The following DPP3 variants were observed in gnomAD, a reference collection of about 807,000 sequenced individuals.
The protein encoded by DPP3 is dipeptidyl peptidase 3.
Under a neutral mutation model 89.8 loss-of-function variants are expected in DPP3, and 64 were observed. The observed-to-expected ratio is 0.71, with a 90% CI of 0.58 to 0.88. DPP3 has a LOEUF of 0.88. Ranked by LOEUF, DPP3 falls within the 40% of genes least tolerant of loss-of-function variation. DPP3 has a pLI of 0.00. For synonymous variants in DPP3, 377 were observed against 404.3 expected (o/e 0.93, Z 0.81); for missense variants, 835 against 972.5 (o/e 0.86, Z 1.88).
At chr11:66,493,690 C>T in intron 12 of DPP3, 57 bp downstream of exon 12, 5 of 1,527,172 alleles carry the variant, frequency 3.3e-6, no homozygotes, top group Non-Finnish European at 4.4e-6. Context: ...TCCCCACAAC[C>T]TGCCCTACCC....
intron 17 of DPP3, 77 bp from the exon 18 acceptor site, chr11:66,509,002 A>T: frequency 6.5e-7 from 1 of 1,543,702 alleles, no homozygotes; most frequent in Admixed American, 1.8e-5. Flanking sequence ...TGTAATTGTG[A>T]TTATTAAGAT....
chr11:66,498,696 A>G (rs1027407364), intron 16 of DPP3, among the ~76,000 whole-genome samples: 1 of 152,250 alleles, frequency 6.6e-6, no homozygotes, highest in African/African-American at 2.4e-5. Flanking sequence ...TGCTGAGAGT[A>G]AATATACAAT....
At position 66,495,628 on chromosome 11, in the gene DPP3, AG is replaced by A. The variant is rs1565272436; in HGVS notation, c.1578del. 6.2e-7 allele frequency: 1 copy of A among 1,614,138 alleles called. No individual in the cohort carries two copies. The highest frequency in any genetic ancestry group is 1.3e-5 in the African/African-American group (1 of 75,070). ...CCTGCCACCTGCCTGCCCCTCTCAC[AG>A]GATCTTTGGCTTTGAGGGGGCTGAT... On this transcript the variant is annotated splice_acceptor_variant, in intron 14 of 17. Transcript: ENST00000531863. LOFTEE classifies it high-confidence loss of function.
chr11:66,495,144 T>TG (rs1855496551), intron 12 of DPP3, 62 bp from the exon 13 acceptor site: 13 of 1,611,162 alleles, frequency 8.1e-6, no homozygotes, highest in Non-Finnish European at 1.1e-5. Flanking sequence ...CTGTGGATTC[T>TG]GGGGCTGGAG....
At position 66,507,673 on chromosome 11, in the gene DPP3, G is replaced by C. The variant is rs116730668; in HGVS notation, c.2042-1406G>C. On this transcript the variant is annotated intron_variant, in intron 17 of 17. Coordinates refer to ENST00000531863, the MANE Select transcript of DPP3 (RefSeq NM_130443.4). ...TGGATTTTCAAAGGTTGTGATGGTG[G>C]TGCACTGTAAAAAGTTTTTTTTTTT... Among the ~76,000 whole-genome samples the C allele has an allele frequency of 6.8e-3, 1,001 of 147,266 alleles. 16 individuals are homozygous for C. The highest frequency in any genetic ancestry group is 0.022 in the African/African-American group (900 of 40,598).
chr11:66,509,078 G>A lies in DPP3; in HGVS notation c.2042-1G>A, dbSNP rs750255598. ...CTGTTTTCTCTCCATCTCCTCCCCAGGCTCAGACGTGCAGCTTCTGGAATA... is the reference window on the plus strand; with the variant it reads ...CTGTTTTCTCTCCATCTCCTCCCCAAGCTCAGACGTGCAGCTTCTGGAATA... On this transcript the variant is annotated splice_acceptor_variant, in intron 17 of 17. Coordinates refer to ENST00000531863, the MANE Select transcript of DPP3 (RefSeq NM_130443.4). LOFTEE classifies it high-confidence loss of function. 1 of 1,613,776 alleles carries A rather than the reference G, an allele frequency of 6.2e-7. No homozygotes were observed. The highest frequency in any genetic ancestry group is 8.5e-7 in the Non-Finnish European group (1 of 1,179,874).
intron 2 of DPP3, among the ~76,000 whole-genome samples, chr11:66,484,862 G>A (rs1298187784): frequency 6.6e-6 from 1 of 152,176 alleles, no homozygotes; most frequent in Non-Finnish European, 1.5e-5. Flanking sequence ...GCTGGAACTG[G>A]GCCTTAAAGG....
Position 66,492,903 on chromosome 11 carries a change from C to T in DPP3, c.1176C>T (p.Ile392=). 5 of 1,610,106 alleles carry T rather than the reference C, an allele frequency of 3.1e-6. No individual in the cohort carries two copies. The highest frequency in any genetic ancestry group is 4.2e-6 in the Non-Finnish European group (5 of 1,177,912). ...CCGGCATCCCTGCCGGCATCAACAT[C>T]CCCAACTGTGAGTGTCTCAGGCCCA... ...AGSGIPAGIN[I]PNYDDLRQTE... is the part of the protein sequence containing the mutation. The change falls in exon 10 of 18, where the codon ATC becomes ATT. Residue 392 remains isoleucine (I), a synonymous_variant. Coordinates refer to ENST00000531863, the MANE Select transcript of DPP3 (RefSeq NM_130443.4).
chr11:66,502,098 CA>C (rs1468276143), intron 16 of DPP3, among the ~76,000 whole-genome samples: 1 of 151,914 alleles, frequency 6.6e-6, no homozygotes, highest in African/African-American at 2.4e-5. Flanking sequence ...GAGGCTGAGG[CA>C]GAAGAATTGC....
intron 16 of DPP3, among the ~76,000 whole-genome samples, chr11:66,504,306 C>T (rs1027284795): frequency 2.0e-5 from 3 of 151,918 alleles, no homozygotes; most frequent in Non-Finnish European, 4.4e-5. Flanking sequence ...CCAGGCTGGT[C>T]TCAAACTCCT....
chr11:66,484,204 C>G (rs1855162444), intron 2 of DPP3, among the ~76,000 whole-genome samples: 1 of 152,186 alleles, frequency 6.6e-6, no homozygotes, highest in Admixed American at 6.5e-5. Flanking sequence ...TCTCAATCTC[C>G]TGACCTCGTG....
chr11:66,491,723 C>T lies in DPP3; in HGVS notation c.955C>T (p.Arg319Cys), dbSNP rs1279884425. ...TTACATCGGGTTCATCGAGAGCTAC[C>T]GCGACCCCTTTGGTTCCCGAGGAGA... ...ESYIGFIESY[R>C]DPFGSRGEFE... is the part of the protein sequence containing the mutation. Residue 319 changes from arginine to cysteine, a missense_variant, in exon 9 of 18, where the codon CGC becomes TGC. Coordinates refer to ENST00000531863, the MANE Select transcript of DPP3 (RefSeq NM_130443.4). 16 of 1,613,620 alleles carry T rather than the reference C, an allele frequency of 9.9e-6. No individual in the cohort carries two copies. The highest frequency in any genetic ancestry group is 1.4e-5 in the Non-Finnish European group (16 of 1,179,868).
In DPP3 at chr11:66,485,623, T is replaced by C. The variant is rs534792897; in HGVS notation, c.360+361T>C. Among the ~76,000 whole-genome samples the C allele has an allele frequency of 1.6e-4, 25 of 152,332 alleles. No individual in the cohort carries two copies. In the East Asian group the frequency reaches 4.0e-3, roughly 25 times the overall value. On this transcript the variant is annotated intron_variant, in intron 3 of 17. Coordinates refer to ENST00000531863, the MANE Select transcript of DPP3 (RefSeq NM_130443.4). ...CTCCCAGGGTTATGAGACTTGAGCC[T>C]ATCTCGGGCAGAGGTGGTTCTTATA... is the stretch of plus-strand genomic sequence containing the variant.
rs200184667 is a variant in DPP3, at chr11:66,485,208, C to T, written c.306C>T (p.Asn102=). The part of the protein sequence containing the change: ...FLVYAAGVYS[N]MGNYKSFGDT... ...TCTATGCCGCGGGTGTTTACTCCAACATGGGCAACTACAAGTCCTTTGGTG... is the reference window on the plus strand; with the variant it reads ...TCTATGCCGCGGGTGTTTACTCCAATATGGGCAACTACAAGTCCTTTGGTG... The change falls in exon 3 of 18, where the codon AAC becomes AAT. Residue 102 remains asparagine (N), a synonymous_variant. Coordinates refer to ENST00000531863, the MANE Select transcript of DPP3 (RefSeq NM_130443.4). 2 of 1,614,194 alleles carry T rather than the reference C, an allele frequency of 1.2e-6. No homozygotes were observed. Among genetic ancestry groups the T allele is most frequent in the East Asian group, 4.5e-5 (2 of 44,890 alleles).
chr11:66,500,175 G>A (rs1194933504), intron 16 of DPP3, among the ~76,000 whole-genome samples: 1 of 152,094 alleles, frequency 6.6e-6, no homozygotes, highest in Non-Finnish European at 1.5e-5. Context: ...CCAACATGGT[G>A]AAACCTGTCT....
At position 66,495,708 on chromosome 11, in the gene DPP3, C is replaced by A. The variant is rs767656780; in HGVS notation, c.1656C>A (p.Leu552=). 6.2e-7 allele frequency: 1 copy of A among 1,612,750 alleles called. No homozygotes were observed. Among genetic ancestry groups the A allele is most frequent in the Non-Finnish European group, 8.5e-7 (1 of 1,179,624 alleles). ...NWLNMVRAGL[L]ALEFYTPEAF... is the part of the protein sequence containing the mutation. ...TCAACATGGTTCGGGCCGGGCTGCT[C>A]GCTCTGGAGTTCTACACACCTGAGG... Residue 552 remains leucine, a synonymous_variant, in exon 15 of 18, where the codon CTC becomes CTA. Coordinates refer to ENST00000531863, the MANE Select transcript of DPP3 (RefSeq NM_130443.4).
rs113208744 is a variant in DPP3, at chr11:66,485,238, C to G, written c.336C>G (p.Thr112=). The G allele has an allele frequency of 1.2e-6, 2 of 1,609,986 alleles. No individual in the cohort carries two copies. Among genetic ancestry groups the G allele is most frequent in the Non-Finnish European group, 1.7e-6 (2 of 1,177,506 alleles). ...NMGNYKSFGD[T]KFVPNLPKEK... ...GCAACTACAAGTCCTTTGGTGACAC[C>G]AAGTTTGTTCCCAACTTGCCCAAGG... The change falls in exon 3 of 18, where the codon ACC becomes ACG. Residue 112 remains threonine, a synonymous_variant. Coordinates refer to ENST00000531863, the MANE Select transcript of DPP3 (RefSeq NM_130443.4).
At chr11:66,495,304 G>A in intron 13 of DPP3, 36 bp downstream of exon 13, 1 of 1,613,886 alleles carries the variant, frequency 6.2e-7, no homozygotes, top group Non-Finnish European at 8.5e-7. Context: ...AGGGTACTGG[G>A]AGGGTGGGCA....
chr11:66,505,809 TAA>T (rs775818602), intron 17 of DPP3, among the ~76,000 whole-genome samples: 27 of 88,062 alleles, frequency 3.1e-4, no homozygotes, highest in Non-Finnish European at 3.5e-4. Flanking sequence ...CTCAACTCTT[TAA>T]AAAAAAAAAA....
Sources: gnomAD v4.1 joint callset for allele counts (sites outside exome capture counted in the v4.1 genomes callset) on GRCh38, gnomAD v4.1.1 for gene constraint, MANE v1.5 for transcripts, NCBI Gene and HGNC (gene_info 2026-07-23, HGNC 2026-07-21) for gene names.